The following GUCY1A2 variants were observed in gnomAD, a reference collection of about 807,000 sequenced individuals.
GUCY1A2 encodes guanylate cyclase 1 soluble subunit alpha 2.
Under a neutral mutation model 63.5 loss-of-function variants are expected in GUCY1A2, and 27 were observed. That is an observed-to-expected ratio of 0.43 (90% CI 0.31 to 0.59). The LOEUF is 0.59. GUCY1A2 is among the 20% of genes least tolerant of loss of function. The pLI is 0.11. For missense variants in GUCY1A2, 768 were observed against 913.3 expected, an observed-to-expected ratio of 0.84 and a Z score of 2.05; for synonymous variants, 364 against 343.5, an observed-to-expected ratio of 1.06 and a Z score of -0.66.
chr11:106,709,962 A>G (rs117518934), intron 6 of GUCY1A2, among the ~76,000 whole-genome samples: 6 of 17,416 alleles, frequency 3.4e-4, no homozygotes, highest in Admixed American at 6.6e-4. Context: ...ATATAGTTAT[A>G]TATAATATAG....
chr11:106,932,023 A>AT (rs993616298), intron 4 of GUCY1A2, among the ~76,000 whole-genome samples: 14 of 151,336 alleles, frequency 9.3e-5, no homozygotes, highest in East Asian at 1.9e-4. Flanking sequence ...GAAAACATGT[A>AT]TTTTTTTTTC....
At chr11:106,744,368 TC>T (rs1863750605) in intron 6 of GUCY1A2, among the ~76,000 whole-genome samples, 2 of 150,650 alleles carry the variant, frequency 1.3e-5, no homozygotes, top group Admixed American at 1.3e-4. Context: ...TGCCTCAGCC[TC>T]CTGAGTAGCT....
intron 5 of GUCY1A2, among the ~76,000 whole-genome samples, chr11:106,799,150 C>T (rs1864822696): frequency 6.6e-6 from 1 of 152,030 alleles, no homozygotes; most frequent in Non-Finnish European, 1.5e-5. Flanking sequence ...TTCACAACTG[C>T]TTCAAAGAGA....
intron 7 of GUCY1A2, among the ~76,000 whole-genome samples, chr11:106,707,082 G>C (rs927355066): frequency 1.3e-5 from 2 of 152,092 alleles, no homozygotes; most frequent in African/African-American, 4.8e-5. Context: ...CTTAAAATTA[G>C]TAAGAGGTGT....
intron 3 of GUCY1A2, among the ~76,000 whole-genome samples, chr11:106,964,837 G>A (rs1861106896): frequency 6.6e-6 from 1 of 152,058 alleles, no homozygotes; most frequent in Admixed American, 6.6e-5. Flanking sequence ...AAAATTAGCT[G>A]GGCGTGGTGG....
intron 6 of GUCY1A2, among the ~76,000 whole-genome samples, chr11:106,771,803 G>T (rs2135399135): frequency 6.6e-6 from 1 of 152,000 alleles, no homozygotes; most frequent in East Asian, 1.9e-4. Context: ...GAATAAAAAG[G>T]AAACAGTCAT....
chr11:106,712,380 C>T (rs992576757), intron 6 of GUCY1A2, among the ~76,000 whole-genome samples: 1 of 152,102 alleles, frequency 6.6e-6, no homozygotes, highest in Non-Finnish European at 1.5e-5. Flanking sequence ...TTCCAGGTAT[C>T]AATTTAGCTT....
At chr11:106,772,436 G>A (rs1864274388) in intron 6 of GUCY1A2, among the ~76,000 whole-genome samples, 1 of 152,078 alleles carries the variant, frequency 6.6e-6, no homozygotes, top group African/African-American at 2.4e-5. Context: ...ACAGCACCAA[G>A]CTAGAAGGCA....
At chr11:106,978,496 G>C in intron 3 of GUCY1A2, 123 bp downstream of exon 3, 1 of 580,954 alleles carries the variant, frequency 1.7e-6, no homozygotes, top group Non-Finnish European at 2.9e-6. Flanking sequence ...CACTTCACAA[G>C]GTCTGGGTCT....
chr11:106,916,133 A>G lies in GUCY1A2; in HGVS notation c.1206+23327T>C, dbSNP rs1033711185. Among the ~76,000 whole-genome samples, 10 of 145,962 alleles carry G rather than the reference A, an allele frequency of 6.9e-5. 1 individual carries two copies. The highest frequency in any genetic ancestry group is 2.4e-4 in the African/African-American group (10 of 41,054). ...CTACAAAGTATTCCTTTGATTAAAC[A>G]TAAAAAGACAAAAGATTTAGTTGAC... On this transcript the variant is annotated intron_variant, in intron 4 of 7. Coordinates refer to ENST00000526355, the MANE Select transcript of GUCY1A2 (RefSeq NM_000855.3).
chr11:106,810,629 G>T, intron 4 of GUCY1A2, 151 bp from the exon 5 acceptor site: 1 of 588,080 alleles, frequency 1.7e-6, no homozygotes, highest in Non-Finnish European at 2.8e-6. Flanking sequence ...CTGATTTTCA[G>T]CCAGTTTAAA....
chr11:106,728,038 C>T (rs529607877), intron 6 of GUCY1A2, among the ~76,000 whole-genome samples: 1 of 152,348 alleles, frequency 6.6e-6, no homozygotes, highest in African/African-American at 2.4e-5. Context: ...GCCTAATGGC[C>T]TGGCTCCTCG....
chr11:106,767,696 G>A (rs1413979685), intron 6 of GUCY1A2, among the ~76,000 whole-genome samples: 2 of 152,018 alleles, frequency 1.3e-5, no homozygotes. Context: ...CAGAGGAATT[G>A]TAAGGTATTA....
At position 106,775,411 on chromosome 11, in the gene GUCY1A2, T is replaced by C. The variant is rs190923750; in HGVS notation, c.1836+1028A>G. 1.6e-3 allele frequency among the ~76,000 whole-genome samples: 236 copies of C among 152,000 alleles called. 1 individual carries two copies. The highest frequency in any genetic ancestry group is 5.4e-3 in the African/African-American group (226 of 41,482). ...GAAGTTGGCATCCTCCAGGGGGGAATAGTATTTCCCAGTTTCCTTCTATCA... is the reference window on the plus strand; with the variant it reads ...GAAGTTGGCATCCTCCAGGGGGGAACAGTATTTCCCAGTTTCCTTCTATCA... On this transcript the variant is annotated intron_variant, in intron 6 of 7. Transcript: ENST00000526355.
intron 4 of GUCY1A2, among the ~76,000 whole-genome samples, chr11:106,860,749 A>C (rs1024098543): frequency 4.6e-5 from 7 of 152,026 alleles, no homozygotes; most frequent in African/African-American, 1.7e-4. Flanking sequence ...CTCCATATAA[A>C]GGAGGTGCCA....
chr11:106,884,596 A>G (rs1044257757), intron 4 of GUCY1A2, among the ~76,000 whole-genome samples: 3 of 152,120 alleles, frequency 2.0e-5, no homozygotes, highest in Admixed American at 2.0e-4. Context: ...AAGGGGTTAG[A>G]AAGAGAAAAG....
chr11:106,727,806 G>T lies in GUCY1A2; in HGVS notation c.1837-19140C>A, dbSNP rs1233940398. The stretch of plus-strand genomic sequence containing the variant: ...CATTCCTACTGTTCCTACTTTAGCA[G>T]GGATTTTCCTCCTCTTACCTGGCCA... On this transcript the variant is annotated intron_variant, in intron 6 of 7. Transcript: ENST00000526355. Among the ~76,000 whole-genome samples, 3 of 152,090 alleles carry T rather than the reference G, an allele frequency of 2.0e-5. No individual in the cohort carries two copies. In the East Asian group the frequency reaches 5.8e-4, roughly 29 times the overall value.
intron 5 of GUCY1A2, among the ~76,000 whole-genome samples, chr11:106,801,186 A>C (rs183219539): frequency 6.6e-6 from 1 of 152,180 alleles, no homozygotes; most frequent in Non-Finnish European, 1.5e-5. Context: ...AAACCTAGTT[A>C]TATTTTTACC....
rs972465294 is a variant in GUCY1A2 at position 106,683,732 on chromosome 11, G to T, written c.*3817C>A. 2 of 222,942 alleles carry T rather than the reference G, an allele frequency of 9.0e-6. No individual in the cohort carries two copies. Among genetic ancestry groups the T allele is most frequent in the African/African-American group, 4.5e-5 (2 of 44,750 alleles). The allele number at this position is 222,942 out of a possible 1,614,324, so 13.8% of individuals were successfully genotyped here. On this transcript the variant is annotated 3_prime_UTR_variant, in exon 8 of 8. Transcript: ENST00000526355. ...AAAATGACAAGACAGAAACCTGTGT[G>T]TAAAAGTTTTACTTTTTGCCTTAAC...
Sources: gnomAD v4.1 joint callset for allele counts (sites outside exome capture counted in the v4.1 genomes callset) on GRCh38, gnomAD v4.1.1 for gene constraint, MANE v1.5 for transcripts, NCBI Gene and HGNC (gene_info 2026-07-23, HGNC 2026-07-21) for gene names.